CNIH3: variants seen among roughly 807,000 people sequenced by gnomAD.
The protein encoded by CNIH3 is protein cornichon homolog 3.
A neutral mutation model predicts 24.1 loss-of-function variants in CNIH3; 14 were observed. That is an observed-to-expected ratio of 0.58 (90% CI 0.38 to 0.91). CNIH3 has a LOEUF of 0.91. Among genes scored for constraint, CNIH3 ranks in the 40% least tolerant of loss-of-function variants. The pLI is 0.00. For missense variants in CNIH3, 178 were observed against 196.8 expected (o/e 0.90, Z 0.57); for synonymous variants, 68 against 73.8 (o/e 0.92, Z 0.40).
chr1:224,437,041 C>G (rs141782126), intron 1 of CNIH3: 2 of 152,162 alleles, frequency 1.3e-5, no homozygotes, highest in African/African-American at 4.8e-5. Flanking sequence ...CTCTCCTAGC[C>G]GTCATTGTGG....
intron 1 of CNIH3, among the ~76,000 whole-genome samples, chr1:224,456,411 T>C (rs1413366411): frequency 2.6e-5 from 4 of 152,158 alleles, no homozygotes; most frequent in Admixed American, 6.5e-5. Flanking sequence ...TTTCTTTTCT[T>C]TCTTTAAGTG....
intron 1 of CNIH3, among the ~76,000 whole-genome samples, chr1:224,490,475 T>C (rs1330194580): frequency 6.6e-6 from 1 of 152,248 alleles, no homozygotes; most frequent in African/African-American, 2.4e-5. Context: ...ATTAGTTTAG[T>C]CGTGTTTTCA....
intron 1 of CNIH3, among the ~76,000 whole-genome samples, chr1:224,506,498 C>T (rs1303274833): frequency 3.3e-5 from 5 of 152,182 alleles, no homozygotes; most frequent in African/African-American, 9.7e-5. Context: ...GTCCCCGCTG[C>T]TCAGTGGAGT....
intron 3 of CNIH3, among the ~76,000 whole-genome samples, chr1:224,550,489 TGG>T (rs1679871435): frequency 6.6e-6 from 1 of 152,176 alleles, no homozygotes; most frequent in East Asian, 1.9e-4. Context: ...GTGTAAGCAC[TGG>T]ATATTATAGA....
At chr1:224,519,567 G>A (rs1678539414) in intron 1 of CNIH3, among the ~76,000 whole-genome samples, 1 of 151,154 alleles carries the variant, frequency 6.6e-6, no homozygotes, top group South Asian at 2.1e-4. Flanking sequence ...TATTTTATGT[G>A]TGCGTGTACA....
intron 1 of CNIH3, among the ~76,000 whole-genome samples, chr1:224,619,462 CG>C (rs1013398006): frequency 1.3e-5 from 2 of 152,148 alleles, no homozygotes; most frequent in Non-Finnish European, 2.9e-5. Flanking sequence ...TTTCAAATTA[CG>C]GTAATAATTT....
At chr1:224,599,144 T>TA (rs1342213891) in intron 3 of CNIH3, among the ~76,000 whole-genome samples, 1 of 152,194 alleles carries the variant, frequency 6.6e-6, no homozygotes, top group Non-Finnish European at 1.5e-5. Flanking sequence ...TTTAGTTGTT[T>TA]AAAAAAACCG....
intron 4 of CNIH3, among the ~76,000 whole-genome samples, chr1:224,576,480 C>G (rs1030364430): frequency 2.0e-5 from 3 of 152,118 alleles, no homozygotes; most frequent in Non-Finnish European, 4.4e-5. Context: ...GCTTGTCTTG[C>G]TCTTTCTTGA....
chr1:224,524,427 T>A (rs1424334266), intron 2 of CNIH3, among the ~76,000 whole-genome samples: 1 of 152,186 alleles, frequency 6.6e-6, no homozygotes, highest in Non-Finnish European at 1.5e-5. Flanking sequence ...ACTGAGTGTG[T>A]TGGGTTGGTT....
intron 3 of CNIH3, among the ~76,000 whole-genome samples, chr1:224,553,442 T>G (rs1322514432): frequency 6.6e-6 from 1 of 152,124 alleles, no homozygotes; most frequent in African/African-American, 2.4e-5. Flanking sequence ...TCCTCAATGC[T>G]CATTCTCACA....
intron 3 of CNIH3, among the ~76,000 whole-genome samples, chr1:224,723,006 G>A (rs1688813240): frequency 6.6e-6 from 1 of 152,208 alleles, no homozygotes; most frequent in African/African-American, 2.4e-5. Flanking sequence ...GGATGGTTGG[G>A]CTGCATCCCC....
intron 1 of CNIH3, among the ~76,000 whole-genome samples, chr1:224,673,139 A>G (rs1047291790): frequency 6.6e-6 from 1 of 152,246 alleles, no homozygotes; most frequent in Non-Finnish European, 1.5e-5. Context: ...CACAACTGAC[A>G]CTGGTTTCAC....
rs779262566 is a variant in CNIH3, at chr1:224,458,540, C to A, written n.203+23678C>A. Among the ~76,000 whole-genome samples the A allele has an allele frequency of 3.3e-5, 5 of 152,186 alleles. No homozygotes were observed. Among genetic ancestry groups the A allele is most frequent in the Admixed American group, 6.5e-5 (1 of 15,274 alleles). Reference sequence around the variant, plus strand: ...GCCTGGTCTGATGACAGCAACCACCCTTTGACTACCTTCTCTGTGGCTGTT... The same window carrying A: ...GCCTGGTCTGATGACAGCAACCACCATTTGACTACCTTCTCTGTGGCTGTT... On this transcript the variant is annotated intron_variant and non_coding_transcript_variant, in intron 1 of 5. Coordinates refer to the CNIH3 transcript ENST00000471578. This position sits in a 1 kb window ranked among gnomAD's most constrained non-coding sequence, Gnocchi z 4.3.
chr1:224,714,934 G>A (rs1211613873), intron 3 of CNIH3, among the ~76,000 whole-genome samples: 1 of 152,180 alleles, frequency 6.6e-6, no homozygotes, highest in African/African-American at 2.4e-5. Context: ...GACTAATCCA[G>A]ATTTCACCTT....
intron 1 of CNIH3, among the ~76,000 whole-genome samples, chr1:224,460,822 T>A (rs965124513): frequency 2.0e-5 from 3 of 150,802 alleles, no homozygotes; most frequent in Non-Finnish European, 3.0e-5. Context: ...CAGGCTGGAG[T>A]GCAATTGCGT....
intron 3 of CNIH3, among the ~76,000 whole-genome samples, chr1:224,702,336 C>G (rs930938155): frequency 6.6e-6 from 1 of 152,140 alleles, no homozygotes; most frequent in Non-Finnish European, 1.5e-5. Context: ...CAGTAAATAC[C>G]TTTGTGGGCT....
intron 1 of CNIH3, among the ~76,000 whole-genome samples, chr1:224,445,007 T>C (rs1405276528): frequency 6.6e-6 from 1 of 150,880 alleles, no homozygotes; most frequent in Non-Finnish European, 1.5e-5. Flanking sequence ...AGTATATACA[T>C]CCTTAATTGT....
At chr1:224,640,438 T>C (rs1242974051) in intron 1 of CNIH3, among the ~76,000 whole-genome samples, 1 of 152,222 alleles carries the variant, frequency 6.6e-6, no homozygotes, top group Non-Finnish European at 1.5e-5. Flanking sequence ...GCAAGATGCT[T>C]AGAAAAGCCC....
chr1:224,451,070 G>A (rs1028099057), intron 1 of CNIH3, among the ~76,000 whole-genome samples: 2 of 152,138 alleles, frequency 1.3e-5, no homozygotes, highest in Non-Finnish European at 2.9e-5. Context: ...CTAAAATCCT[G>A]TGTGCCTTTG....
Sources: allele counts gnomAD v4.1 joint callset (sites outside exome capture counted in the v4.1 genomes callset), GRCh38; gene constraint gnomAD v4.1.1; non-coding constraint Gnocchi (gnomAD v3.1); transcripts MANE v1.5; gene names NCBI Gene and HGNC (gene_info 2026-07-23, HGNC 2026-07-21).